TRRAP: variants seen among roughly 807,000 people sequenced by gnomAD.
The protein encoded by TRRAP is transformation/transcription domain associated protein.
Under a neutral mutation model 438.8 loss-of-function variants are expected in TRRAP, and 41 were observed. That is an observed-to-expected ratio of 0.09 (90% CI 0.07 to 0.12). TRRAP has a LOEUF of 0.12. Among genes scored for constraint, TRRAP ranks in the 10% least tolerant of loss-of-function variants. TRRAP has a pLI of 1.00. For synonymous variants in TRRAP, 1,994 were observed against 1,962.9 expected (o/e 1.02, Z -0.42); for missense variants, 3,122 against 5,055.1 (o/e 0.62, Z 11.60).
At position 98,956,319 on chromosome 7, in the gene TRRAP, C is replaced by T; in HGVS notation, c.6096+15C>T. 6.2e-7 allele frequency: 1 copy of T among 1,614,048 alleles called. No homozygotes were observed. The highest frequency in any genetic ancestry group is 8.5e-7 in the Non-Finnish European group (1 of 1,179,928). On this transcript the variant is annotated intron_variant, in intron 42 of 72. Coordinates refer to ENST00000456197, the MANE Select transcript of TRRAP (RefSeq NM_001375524.1). This position sits in a 1 kb window ranked among gnomAD's most constrained non-coding sequence, Gnocchi z 4.5. ...AGGACCAGCAGGTAGGGGTGTCAGC[C>T]TCAGGGGTGCCCCGATCGTCTTCCT...
chr7:98,955,629 C>T (rs1554419423), intron 41 of TRRAP, among the ~76,000 whole-genome samples: 3 of 152,290 alleles, frequency 2.0e-5, no homozygotes, highest in Admixed American at 6.5e-5. Flanking sequence ...TTTCCATCAC[C>T]TGCCTTGGAA....
intron 3 of TRRAP, 21 bp downstream of exon 3, chr7:98,882,045 AT>A: frequency 6.3e-7 from 1 of 1,592,386 alleles, no homozygotes; most frequent in Non-Finnish European, 8.5e-7. Flanking sequence ...TATATTTTCT[AT>A]TTTTCATTTT....
At chr7:98,934,228 CACACTT>C (rs1363675244) in intron 27 of TRRAP, among the ~76,000 whole-genome samples, 5 of 152,208 alleles carry the variant, frequency 3.3e-5, no homozygotes, top group African/African-American at 1.2e-4. Flanking sequence ...GGACATGAAT[CACACTT>C]GCAGAGGCAT....
chr7:98,973,416 G>T (rs1009354361), intron 53 of TRRAP, among the ~76,000 whole-genome samples: 2 of 152,194 alleles, frequency 1.3e-5, no homozygotes, highest in African/African-American at 4.8e-5. Context: ...AGCTCCTGGT[G>T]CGAGTGCCAT....
chr7:98,899,635 TAGCAG>T, intron 9 of TRRAP, 39 bp from the exon 10 acceptor site: 2 of 1,612,508 alleles, frequency 1.2e-6, no homozygotes, highest in Non-Finnish European at 1.7e-6. Flanking sequence ...TTTGTCGCCA[TAGCAG>T]AGTGTCAATG....
chr7:98,979,284 C>T (rs1415417360), intron 58 of TRRAP, among the ~76,000 whole-genome samples: 16 of 152,120 alleles, frequency 1.1e-4, no homozygotes, highest in Non-Finnish European at 1.9e-4. Flanking sequence ...CCCAGCGGTA[C>T]CAAAATCCAC....
At chr7:98,961,219 G>A (rs532492508) in intron 45 of TRRAP, 42 bp from the exon 46 acceptor site, 26 of 1,592,998 alleles carry the variant, frequency 1.6e-5, no homozygotes, top group African/African-American at 5.4e-5. Context: ...TTGTCATTGA[G>A]TGTTTGTTTC....
intron 67 of TRRAP, chr7:98,999,789 C>CTT: frequency 1.8e-6 from 1 of 550,842 alleles, no homozygotes. Flanking sequence ...TCACAAATAA[C>CTT]TTGAAGTTCT....
In TRRAP at chr7:98,912,131, T is replaced by C; in HGVS notation, c.2117T>C (p.Leu706Pro). 6.2e-7 allele frequency: 1 copy of C among 1,614,206 alleles called. No homozygotes were observed. The highest frequency in any genetic ancestry group is 8.5e-7 in the Non-Finnish European group (1 of 1,180,046). ...CCAGAAATGGGCTCCAACGTGGAGC[T>C]CTCCAACCTGTACCTCAAGCTGTTC... is the stretch of plus-strand genomic sequence containing the variant. ...RLPEMGSNVE[L>P]SNLYLKLFKL... Residue 706 changes from leucine (L) to proline (P), a missense_variant, in exon 18 of 73, where the codon CTC (leucine) becomes CCC (proline). Physicochemically the swap from Leu to Pro is moderately conservative, Grantham distance 98. Coordinates refer to ENST00000456197, the MANE Select transcript of TRRAP (RefSeq NM_001375524.1).
At position 99,005,371 on chromosome 7, in the gene TRRAP, G is replaced by A. The variant is rs765864178; in HGVS notation, c.10753+23G>A. On this transcript the variant is annotated intron_variant, in intron 69 of 72. Transcript: ENST00000456197. This position sits in a 1 kb window ranked among gnomAD's most constrained non-coding sequence, Gnocchi z 5.1. Reference sequence around the variant, plus strand: ...CAGGTAGGGTTGAGAGCCACAGCTCGCTGGGTACACAGGCAGCTTCACAGG... The same window carrying A: ...CAGGTAGGGTTGAGAGCCACAGCTCACTGGGTACACAGGCAGCTTCACAGG... 6.2e-6 allele frequency: 10 copies of A among 1,610,650 alleles called. No individual in the cohort carries two copies. In the South Asian group the frequency reaches 6.6e-5, roughly 11 times the overall value.
At position 98,983,329 on chromosome 7, in the gene TRRAP, C is replaced by T. The variant is rs754164978; in HGVS notation, c.8892C>T (p.Asn2964=). 1.2e-6 allele frequency: 2 copies of T among 1,614,182 alleles called. No individual in the cohort carries two copies. The highest frequency in any genetic ancestry group is 2.2e-5 in the South Asian group (2 of 91,076). ...AQINAGLQPT[N]LGRNNSLHDM... ...TCAACGCAGGCTTACAGCCAACCAA[C>T]CTGGGAAGGAACAACAGCCTGCACG... The change falls in exon 60 of 73, where the codon AAC becomes AAT. Residue 2964 remains asparagine (N), a synonymous_variant. Transcript: ENST00000456197.
At chr7:98,880,488 T>A (rs879953754) in intron 1 of TRRAP, among the ~76,000 whole-genome samples, 1 of 152,116 alleles carries the variant, frequency 6.6e-6, no homozygotes, top group African/African-American at 2.4e-5. Flanking sequence ...GGTCTGGAAC[T>A]CCTGACCTCG....
At chr7:98,958,620 G>A (rs778469831) in intron 44 of TRRAP, among the ~76,000 whole-genome samples, 2 of 152,146 alleles carry the variant, frequency 1.3e-5, no homozygotes, top group African/African-American at 2.4e-5. Context: ...TTTTTAAAAA[G>A]CATTTCACTC....
intron 27 of TRRAP, 79 bp from the exon 28 acceptor site, chr7:98,935,500 T>C (rs529391887): frequency 5.5e-5 from 68 of 1,235,002 alleles, no homozygotes; most frequent in African/African-American, 2.4e-4. Context: ...TGTGGAAGAT[T>C]GCTGTGTTCT....
chr7:98,950,726 C>T, intron 38 of TRRAP, 150 bp from the exon 39 acceptor site: 1 of 894,948 alleles, frequency 1.1e-6, no homozygotes, highest in Non-Finnish European at 1.6e-6. Context: ...TCTAGTTGCT[C>T]TTTGCATAGG....
At chr7:98,915,348 A>G (rs1554409414) in intron 18 of TRRAP, among the ~76,000 whole-genome samples, 1 of 151,862 alleles carries the variant, frequency 6.6e-6, no homozygotes. Context: ...GTGTGCCACC[A>G]CAGCTGGCTA....
Position 98,899,798 on chromosome 7 carries a change from T to G in TRRAP, c.800+31T>G, listed in dbSNP as rs782759032. On this transcript the variant is annotated intron_variant, in intron 10 of 72. Coordinates refer to ENST00000456197, the MANE Select transcript of TRRAP (RefSeq NM_001375524.1). Reference sequence around the variant, plus strand: ...GCGTCACTGTAGCCGGCTGCCACAGTGCCTGGATTCCAAGTAAAAATACAC... The same window carrying G: ...GCGTCACTGTAGCCGGCTGCCACAGGGCCTGGATTCCAAGTAAAAATACAC... 20 of 1,606,222 alleles carry G rather than the reference T, an allele frequency of 1.2e-5. No individual in the cohort carries two copies. In the East Asian group the frequency reaches 4.5e-4, roughly 36 times the overall value.
At chr7:98,946,492 A>G (rs551627724) in intron 33 of TRRAP, among the ~76,000 whole-genome samples, 1 of 150,226 alleles carries the variant, frequency 6.7e-6, no homozygotes. Flanking sequence ...CACACCACAC[A>G]TGCACACACA....
chr7:98,881,269 T>A lies in TRRAP; in HGVS notation c.100+19T>A, dbSNP rs1795413845. 1 of 1,581,036 alleles carries A rather than the reference T, an allele frequency of 6.3e-7. No individual in the cohort carries two copies. The highest frequency in any genetic ancestry group is 1.4e-5 in the African/African-American group (1 of 73,354). ...AATACACGTGAGTTGATCCTTTTTA[T>A]CATTAAGAAATGCATAAATAAGGCC... On this transcript the variant is annotated intron_variant, in intron 2 of 72. Transcript: ENST00000456197.
Sources: gnomAD v4.1 joint callset for allele counts (sites outside exome capture counted in the v4.1 genomes callset) on GRCh38, gnomAD v4.1.1 for gene constraint, Gnocchi (gnomAD v3.1) non-coding constraint, MANE v1.5 for transcripts, NCBI Gene and HGNC (gene_info 2026-07-23, HGNC 2026-07-21) for gene names.